Variants in TERB1 observed in about 807,000 individuals in gnomAD.
TERB1 encodes telomere repeat binding bouquet formation protein 1.
TERB1 carries 63 observed loss-of-function variants against 92.3 expected under a neutral mutation model. The ratio of observed to expected loss-of-function variants is 0.68; its 90% CI spans 0.56 to 0.84. The LOEUF is 0.84. Among genes scored for constraint, TERB1 ranks in the 40% least tolerant of loss-of-function variants. The pLI, the probability that TERB1 is intolerant of heterozygous loss-of-function variation, is 0.00. For synonymous variants in TERB1, 252 were observed against 283.9 expected, an observed-to-expected ratio of 0.89 and a Z score of 1.13; for missense variants, 709 against 843.7, an observed-to-expected ratio of 0.84 and a Z score of 1.98.
chr16:66,781,679 C>G (rs943507108), intron 9 of TERB1, among the ~76,000 whole-genome samples: 5 of 151,888 alleles, frequency 3.3e-5, no homozygotes, highest in Non-Finnish European at 5.9e-5. Flanking sequence ...ACCACCACGC[C>G]CGGCTAATTT....
chr16:66,790,978 A>G lies in TERB1; in HGVS notation c.73T>C (p.Tyr25His). The part of the protein sequence containing the change: ...DLNLLLECLK[Y>H]QMDNAFSQKE... ...TGTGAAAAAGCATTGTCCATTTGATACTTTAGACACTCCAATAATAAGTTC... is the reference window on the plus strand; with the variant it reads ...TGTGAAAAAGCATTGTCCATTTGATGCTTTAGACACTCCAATAATAAGTTC... The change falls in exon 4 of 19, where the codon TAT becomes CAT. Residue 25 changes from tyrosine to histidine, a missense_variant. By Grantham distance (83) the Tyr-to-His change is moderately conservative (BLOSUM62 2). Coordinates refer to ENST00000433154, the MANE Select transcript of TERB1 (RefSeq NM_001136505.2). The G allele has an allele frequency of 6.5e-7, 1 of 1,547,822 alleles. No individual in the cohort carries two copies. Among genetic ancestry groups the G allele is most frequent in the Non-Finnish European group, 8.7e-7 (1 of 1,144,922 alleles).
chr16:66,762,688 C>CT (rs938590342), intron 16 of TERB1, among the ~76,000 whole-genome samples: 28 of 136,942 alleles, frequency 2.0e-4, no homozygotes, highest in Middle Eastern at 4.3e-3. Context: ...CCAGCCGGGA[C>CT]TTTTTTTTTT....
At chr16:66,789,445 G>A (rs1267595982) in intron 5 of TERB1, among the ~76,000 whole-genome samples, 2 of 76,974 alleles carry the variant, frequency 2.6e-5, no homozygotes, top group Non-Finnish European at 4.7e-5. Context: ...TTAGCCGGGC[G>A]TGGTAGCGGG....
At chr16:66,773,881 A>G (rs2018495601) in intron 12 of TERB1, among the ~76,000 whole-genome samples, 1 of 151,752 alleles carries the variant, frequency 6.6e-6, no homozygotes. Context: ...ACAGAAACTC[A>G]AACTTTTTTT....
Position 66,758,840 on chromosome 16 carries a change from T to A in TERB1, c.1931-2A>T, listed in dbSNP as rs745305892. The stretch of plus-strand genomic sequence containing the variant: ...TTCTACGTGGGGTCAGCAGAATTTC[T>A]GAAAAATATGGAAAACATTTAGCAC... On this transcript the variant is annotated splice_acceptor_variant, in intron 17 of 18. Transcript: ENST00000433154. LOFTEE classifies it high-confidence loss of function. 6.6e-7 allele frequency: 1 copy of A among 1,525,184 alleles called. No individual in the cohort carries two copies. Among genetic ancestry groups the A allele is most frequent in the East Asian group, 2.5e-5 (1 of 40,552 alleles). The allele number at this position is 1,525,184 out of a possible 1,614,324, so 94.5% of individuals were successfully genotyped here.
intron 2 of TERB1, among the ~76,000 whole-genome samples, chr16:66,797,623 CCACACACACA>C (rs71145942): frequency 1.4e-4 from 20 of 140,842 alleles, no homozygotes; most frequent in South Asian, 9.3e-4. Flanking sequence ...TAAAAACACA[CCACACACACA>C]CACACACACA....
At chr16:66,795,880 CT>C (rs1472092179) in intron 3 of TERB1, among the ~76,000 whole-genome samples, 7 of 152,168 alleles carry the variant, frequency 4.6e-5, no homozygotes, top group Non-Finnish European at 4.4e-5. Context: ...TCCCAAGTAG[CT>C]GGTACTACAG....
At chr16:66,786,312 T>A in intron 6 of TERB1, 27 bp from the exon 7 acceptor site, 1 of 1,464,694 alleles carries the variant, frequency 6.8e-7, no homozygotes. Context: ...TATAAAAATA[T>A]GAGTTTTATT....
At chr16:66,769,439 G>A (rs547190789) in intron 14 of TERB1, among the ~76,000 whole-genome samples, 11 of 152,114 alleles carry the variant, frequency 7.2e-5, no homozygotes, top group African/African-American at 2.7e-4. Context: ...TTTAAGAAAA[G>A]CTACAATCCC....
chr16:66,788,086 T>C, intron 6 of TERB1, 83 bp downstream of exon 6: 2 of 1,116,624 alleles, frequency 1.8e-6, no homozygotes, highest in Non-Finnish European at 2.4e-6. Context: ...ACAAAACTGA[T>C]ATAAGAACTC....
intron 18 of TERB1, among the ~76,000 whole-genome samples, chr16:66,757,358 C>G (rs1224764143): frequency 2.6e-5 from 4 of 152,102 alleles, no homozygotes; most frequent in African/African-American, 9.7e-5. Context: ...TTTTAATATG[C>G]AAATAGATTA....
chr16:66,767,339 A>C (rs1319029854), intron 16 of TERB1, 76 bp downstream of exon 16: 1 of 267,014 alleles, frequency 3.7e-6, no homozygotes, highest in Non-Finnish European at 6.3e-6. Flanking sequence ...ACTCTGTATC[A>C]AAAAAAAAAA....
At chr16:66,763,168 A>C (rs924253093) in intron 16 of TERB1, among the ~76,000 whole-genome samples, 1 of 149,922 alleles carries the variant, frequency 6.7e-6, no homozygotes, top group East Asian at 2.0e-4. Context: ...ACAGGGTCTC[A>C]CTATGTTGCT....
At chr16:66,784,716 C>T (rs551076844) in intron 9 of TERB1, among the ~76,000 whole-genome samples, 33 of 150,812 alleles carry the variant, frequency 2.2e-4, no homozygotes, top group Admixed American at 3.3e-4. Flanking sequence ...AACACTGTTT[C>T]GCAGCATCCC....
upstream of TERB1, among the ~76,000 whole-genome samples, chr16:66,802,000 A>T (rs1374639863): frequency 6.6e-6 from 1 of 152,176 alleles, no homozygotes; most frequent in Non-Finnish European, 1.5e-5. Context: ...CCACCTCACC[A>T]GGGGGCTTCC....
intron 5 of TERB1, among the ~76,000 whole-genome samples, chr16:66,788,681 G>A (rs1341209318): frequency 6.6e-6 from 1 of 151,066 alleles, no homozygotes; most frequent in African/African-American, 2.4e-5. Flanking sequence ...AGAAAACAGA[G>A]GGACAAACAA....
intron 14 of TERB1, among the ~76,000 whole-genome samples, chr16:66,769,439 G>C (rs547190789): frequency 6.6e-6 from 1 of 152,114 alleles, no homozygotes; most frequent in Non-Finnish European, 1.5e-5. Flanking sequence ...TTTAAGAAAA[G>C]CTACAATCCC....
At chr16:66,768,206 A>G (rs2018383194) in intron 14 of TERB1, 38 bp from the exon 15 acceptor site, 1 of 1,450,284 alleles carries the variant, frequency 6.9e-7, no homozygotes, top group South Asian at 1.2e-5. Flanking sequence ...AAAAGTAAAC[A>G]TACTGTTTGG....
intron 16 of TERB1, among the ~76,000 whole-genome samples, chr16:66,760,677 T>C (rs1030048698): frequency 8.1e-6 from 1 of 123,538 alleles, no homozygotes; most frequent in Non-Finnish European, 1.7e-5. Flanking sequence ...TCCCAGCTAC[T>C]TGGGAGGCTG....
Sources: allele counts gnomAD v4.1 joint callset (sites outside exome capture counted in the v4.1 genomes callset), GRCh38; gene constraint gnomAD v4.1.1; transcripts MANE v1.5; gene names NCBI Gene and HGNC (gene_info 2026-07-23, HGNC 2026-07-21).